The following LARGE1 variants were observed in gnomAD, a reference collection of about 807,000 sequenced individuals.
The protein encoded by LARGE1 is LARGE xylosyl- and glucuronyltransferase 1.
A neutral mutation model predicts 87.6 loss-of-function variants in LARGE1; 43 were observed. That is an observed-to-expected ratio of 0.49 (90% CI 0.38 to 0.63). The LOEUF (loss-of-function observed/expected upper bound fraction) is 0.63. Ranked by LOEUF, LARGE1 falls within the 30% of genes least tolerant of loss-of-function variation. LARGE1 has a pLI of 0.00. For synonymous variants in LARGE1, 434 were observed against 394.6 expected (o/e 1.10, Z -1.18); for missense variants, 802 against 1,000.2 (o/e 0.80, Z 2.67).
chr22:33,907,425 C>T (rs1455248590), intron 1 of LARGE1, among the ~76,000 whole-genome samples: 1 of 152,212 alleles, frequency 6.6e-6, no homozygotes, highest in Non-Finnish European at 1.5e-5. Flanking sequence ...ATAATTTCTC[C>T]ATCAATTATG....
chr22:33,099,541 C>T, the LARGE1 span, among the ~76,000 whole-genome samples: 5 of 152,122 alleles, frequency 3.3e-5, no homozygotes, highest in Admixed American at 2.6e-4. Context: ...CTTGAGCCAC[C>T]GCGCCCGGCG....
chr22:33,340,957 G>A (rs1162004744), intron 9 of LARGE1, among the ~76,000 whole-genome samples: 2 of 151,734 alleles, frequency 1.3e-5, no homozygotes, highest in Non-Finnish European at 2.9e-5. Flanking sequence ...TCTGATTATA[G>A]AGGAAATGAA....
intron 1 of LARGE1, among the ~76,000 whole-genome samples, chr22:33,779,624 A>G (rs1181161819): frequency 6.6e-6 from 1 of 152,082 alleles, no homozygotes; most frequent in Non-Finnish European, 1.5e-5. Context: ...TACTCAAAAT[A>G]CAAAAATTGC....
At chr22:33,325,373 C>A (rs902193389) in intron 10 of LARGE1, among the ~76,000 whole-genome samples, 8 of 152,246 alleles carry the variant, frequency 5.3e-5, no homozygotes, top group African/African-American at 1.7e-4. Flanking sequence ...CTAGTACAGG[C>A]ACCACTCTGA....
intron 2 of LARGE1, chr22:33,732,625 C>T (rs1330381691): frequency 6.6e-6 from 1 of 152,286 alleles, no homozygotes; most frequent in Non-Finnish European, 1.5e-5. Context: ...ACACCAGAGT[C>T]TGTGTTCCAG....
chr22:33,762,915 C>T (rs2084784367), intron 1 of LARGE1, among the ~76,000 whole-genome samples: 1 of 152,168 alleles, frequency 6.6e-6, no homozygotes, highest in Non-Finnish European at 1.5e-5. Flanking sequence ...CGGAACTCAC[C>T]CACTGCACAC....
At chr22:33,738,169 C>T (rs2083727872) in intron 2 of LARGE1, among the ~76,000 whole-genome samples, 1 of 152,024 alleles carries the variant, frequency 6.6e-6, no homozygotes, top group South Asian at 2.1e-4. Flanking sequence ...CCCAGGAATC[C>T]CTCCGAGTAA....
At chr22:33,747,618 A>ATTTCTTTGTTG in intron 2 of LARGE1, 1 of 152,188 alleles carries the variant, frequency 6.6e-6, no homozygotes, top group Admixed American at 6.5e-5. Flanking sequence ...GCACTTATCA[A>ATTTCTTTGTTG]CACTCAGCAG....
At chr22:33,502,668 A>T (rs972381424) in intron 6 of LARGE1, among the ~76,000 whole-genome samples, 1 of 152,012 alleles carries the variant, frequency 6.6e-6, no homozygotes, top group Non-Finnish European at 1.5e-5. Context: ...TCCAGGGTCC[A>T]CGCCATCCTC....
chr22:33,503,569 G>A (rs149488354), intron 6 of LARGE1, among the ~76,000 whole-genome samples: 1,697 of 152,208 alleles, frequency 0.011, 18 homozygotes, highest in Middle Eastern at 0.027. Context: ...GGGAGGCCGA[G>A]GCGGGTGGAT....
chr22:33,557,813 C>T (rs557851408), intron 6 of LARGE1, among the ~76,000 whole-genome samples: 7 of 152,158 alleles, frequency 4.6e-5, no homozygotes, highest in African/African-American at 1.7e-4. Flanking sequence ...GTGATCCACC[C>T]GCCTTAGCCT....
At chr22:33,280,728 A>G (rs1602219015) in intron 13 of LARGE1, among the ~76,000 whole-genome samples, 1 of 152,210 alleles carries the variant, frequency 6.6e-6, no homozygotes, top group African/African-American at 2.4e-5. Flanking sequence ...CCTGCTAAAA[A>G]AGGGATGGGA....
chr22:33,546,656 C>G (rs1025191121), intron 6 of LARGE1, among the ~76,000 whole-genome samples: 1 of 152,178 alleles, frequency 6.6e-6, no homozygotes, highest in Non-Finnish European at 1.5e-5. Flanking sequence ...GCAATCTCAG[C>G]TCACTGCAAC....
Position 33,693,424 on chromosome 22 carries a change from G to A in LARGE1, c.107-42756C>T, listed in dbSNP as rs2082154343. Reference sequence around the variant, plus strand: ...TGAAAAAAAAAAAAATTAAAAAGAGGGAGGGAGTGAGGGAGGGAAGGAAGG... The same window carrying A: ...TGAAAAAAAAAAAAATTAAAAAGAGAGAGGGAGTGAGGGAGGGAAGGAAGG... On this transcript the variant is annotated intron_variant, in intron 2 of 14. Transcript: ENST00000397394. Among the ~76,000 whole-genome samples, 3 of 152,232 alleles carry A rather than the reference G, an allele frequency of 2.0e-5. No individual in the cohort carries two copies. The South Asian group carries it at 6.2e-4, about 32-fold the overall frequency.
At chr22:33,487,219 A>G (rs1005717516) in intron 6 of LARGE1, among the ~76,000 whole-genome samples, 4 of 152,210 alleles carry the variant, frequency 2.6e-5, no homozygotes, top group African/African-American at 9.6e-5. Context: ...CTGAGCCTGT[A>G]CCATCAACAA....
At position 33,915,759 on chromosome 22, in the gene LARGE1, C is replaced by T. The variant is rs146351264; in HGVS notation, c.-83+4236G>A. On this transcript the variant is annotated intron_variant, in intron 1 of 14. Coordinates refer to ENST00000397394, the MANE Select transcript of LARGE1 (RefSeq NM_133642.5). Reference sequence around the variant, plus strand: ...CAAGAAGCGGGGGCACAGTCCTCAGCATGGAATCTTATTAAATTATTTCTC... The same window carrying T: ...CAAGAAGCGGGGGCACAGTCCTCAGTATGGAATCTTATTAAATTATTTCTC... 3.6e-3 allele frequency among the ~76,000 whole-genome samples: 541 copies of T among 152,302 alleles called. 2 individuals are homozygous for T. The highest frequency in any genetic ancestry group is 0.01 in the Middle Eastern group (3 of 294).
chr22:33,229,310 T>G (rs1297150839), intron 11 of LARGE1, among the ~76,000 whole-genome samples: 1 of 151,922 alleles, frequency 6.6e-6, no homozygotes, highest in South Asian at 2.1e-4. Context: ...ATGAAGGAAA[T>G]TCAACAAGTA....
At chr22:33,355,186 C>T (rs1940775807) in intron 9 of LARGE1, among the ~76,000 whole-genome samples, 1 of 152,178 alleles carries the variant, frequency 6.6e-6, no homozygotes, top group Non-Finnish European at 1.5e-5. Context: ...ATCTTTTAGG[C>T]CCCTGTGTTC....
intron 2 of LARGE1, among the ~76,000 whole-genome samples, chr22:33,734,577 G>A (rs1372056508): frequency 6.6e-6 from 1 of 152,148 alleles, no homozygotes; most frequent in South Asian, 2.1e-4. Context: ...ATCTGCGGGA[G>A]GGCTTTTTGC....
Sources: gnomAD v4.1 joint callset for allele counts (sites outside exome capture counted in the v4.1 genomes callset) on GRCh38, gnomAD v4.1.1 for gene constraint, MANE v1.5 for transcripts, NCBI Gene and HGNC (gene_info 2026-07-23, HGNC 2026-07-21) for gene names.